The following CTNNA3 variants were observed in gnomAD, a reference collection of about 807,000 sequenced individuals.
CTNNA3 encodes catenin alpha 3.
In CTNNA3, 76 loss-of-function variants were observed where a neutral mutation model predicts 95.7. That is an observed-to-expected ratio of 0.79 (90% confidence interval 0.66 to 0.96). CTNNA3 has a LOEUF of 0.96. Among genes scored for constraint, CTNNA3 ranks in the 40% least tolerant of loss-of-function variants. The pLI, the probability that CTNNA3 is intolerant of heterozygous loss-of-function variation, is 0.00. For synonymous variants in CTNNA3, 431 were observed against 374.4 expected (o/e 1.15, Z -1.74); for missense variants, 1,191 against 1,089.8 (o/e 1.09, Z -1.31).
intron 1 of CTNNA3, among the ~76,000 whole-genome samples, chr10:67,739,669 A>C (rs982247845): frequency 8.5e-5 from 13 of 152,104 alleles, no homozygotes; most frequent in African/African-American, 2.9e-4. Context: ...GATACAAACA[A>C]ATGGAAGAAC....
chr10:66,083,412 T>C (rs2080846089), intron 14 of CTNNA3, among the ~76,000 whole-genome samples: 2 of 152,302 alleles, frequency 1.3e-5, no homozygotes, highest in South Asian at 4.1e-4. Flanking sequence ...CTTGAGTATT[T>C]CTTCCTAATT....
At chr10:66,989,625 G>T (rs1188829133) in intron 7 of CTNNA3, among the ~76,000 whole-genome samples, 1 of 152,036 alleles carries the variant, frequency 6.6e-6, no homozygotes, top group African/African-American at 2.4e-5. Flanking sequence ...CATACTGAAA[G>T]AACTTTTTCT....
chr10:67,603,635 GA>G (rs1208551705), intron 3 of CTNNA3, among the ~76,000 whole-genome samples: 2 of 151,234 alleles, frequency 1.3e-5, no homozygotes, highest in Non-Finnish European at 1.5e-5. Flanking sequence ...ATGTAAAAAA[GA>G]AAAAAACTTA....
At chr10:66,062,347 T>C (rs1419111429) in intron 15 of CTNNA3, among the ~76,000 whole-genome samples, 1 of 152,114 alleles carries the variant, frequency 6.6e-6, no homozygotes, top group Non-Finnish European at 1.5e-5. Flanking sequence ...TATGGAGGAC[T>C]TCAAGTGTAC....
At chr10:67,499,955 A>C (rs922686842) in intron 5 of CTNNA3, among the ~76,000 whole-genome samples, 1 of 151,662 alleles carries the variant, frequency 6.6e-6, no homozygotes, top group Non-Finnish European at 1.5e-5. Flanking sequence ...GATCTTAGTT[A>C]TTTCTTGTCT....
intron 12 of CTNNA3, among the ~76,000 whole-genome samples, chr10:66,359,144 C>T (rs751179962): frequency 2.6e-5 from 4 of 152,172 alleles, no homozygotes; most frequent in Non-Finnish European, 5.9e-5. Flanking sequence ...ATATTCTCAC[C>T]CTAAAATGGC....
intron 12 of CTNNA3, among the ~76,000 whole-genome samples, chr10:66,360,943 CTG>C (rs1464989768): frequency 4.4e-4 from 62 of 141,178 alleles, no homozygotes; most frequent in Non-Finnish European, 9.1e-5. Context: ...CTCTCTCTCT[CTG>C]TCTCTCTCTT....
At chr10:67,740,016 T>A (rs1841326221) in intron 1 of CTNNA3, among the ~76,000 whole-genome samples, 1 of 152,128 alleles carries the variant, frequency 6.6e-6, no homozygotes, top group African/African-American at 2.4e-5. Flanking sequence ...TATCTACAAC[T>A]ATCTGATCTT....
At chr10:66,090,592 A>G (rs2081177094) in intron 14 of CTNNA3, among the ~76,000 whole-genome samples, 1 of 152,058 alleles carries the variant, frequency 6.6e-6, no homozygotes, top group African/African-American at 2.4e-5. Flanking sequence ...AGTCTGATTC[A>G]AACATAGGAG....
rs114685436 is a variant in CTNNA3, at chr10:66,909,237, G to A, written c.1048-133713C>T. Among the ~76,000 whole-genome samples the A allele has an allele frequency of 2.4e-3, 361 of 152,180 alleles. 1 individual carries two copies. The highest frequency in any genetic ancestry group is 8.2e-3 in the African/African-American group (342 of 41,512). On this transcript the variant is annotated intron_variant, in intron 7 of 17. Coordinates refer to ENST00000433211, the MANE Select transcript of CTNNA3 (RefSeq NM_013266.4). ...AGTAAATACAAGATCACTACCAGCC[G>A]GGCGCGGTGGCTCATTCCTGTATTC...
chr10:66,917,815 G>A (rs570912520), intron 7 of CTNNA3, among the ~76,000 whole-genome samples: 1 of 152,208 alleles, frequency 6.6e-6, no homozygotes, highest in African/African-American at 2.4e-5. Context: ...CATGTGAAGT[G>A]GATATAGCAA....
chr10:65,974,959 T>G (rs774100116), intron 16 of CTNNA3, among the ~76,000 whole-genome samples: 2 of 152,204 alleles, frequency 1.3e-5, no homozygotes, highest in African/African-American at 4.8e-5. Flanking sequence ...AAAAGTAGGA[T>G]GAACAACCAG....
chr10:65,951,826 G>C (rs897585178), intron 17 of CTNNA3, among the ~76,000 whole-genome samples: 1 of 152,064 alleles, frequency 6.6e-6, no homozygotes, highest in Admixed American at 6.5e-5. Context: ...TCAGGAGATC[G>C]AGACCATCCT....
At chr10:66,680,123 G>C (rs1487570262) in intron 9 of CTNNA3, among the ~76,000 whole-genome samples, 2 of 151,912 alleles carry the variant, frequency 1.3e-5, no homozygotes, top group African/African-American at 4.8e-5. Context: ...CTAGCCTCCT[G>C]AGTAGCTGGG....
At chr10:66,947,540 C>T (rs1419961784) in intron 7 of CTNNA3, among the ~76,000 whole-genome samples, 2 of 152,030 alleles carry the variant, frequency 1.3e-5, no homozygotes, top group Non-Finnish European at 2.9e-5. Context: ...CACTCTGTCT[C>T]CCTCTCCCCT....
chr10:66,247,567 G>A (rs2090385941), intron 13 of CTNNA3, among the ~76,000 whole-genome samples: 1 of 152,002 alleles, frequency 6.6e-6, no homozygotes, highest in East Asian at 1.9e-4. Flanking sequence ...CCCAAAGGTT[G>A]AAAATAAAAA....
chr10:67,627,203 C>A (rs1268700305), intron 2 of CTNNA3, among the ~76,000 whole-genome samples: 1 of 152,188 alleles, frequency 6.6e-6, no homozygotes, highest in East Asian at 1.9e-4. Context: ...AGCTCTGCCT[C>A]CTGGTCATGC....
At chr10:67,357,653 T>A (rs1842859429) in intron 5 of CTNNA3, among the ~76,000 whole-genome samples, 1 of 152,012 alleles carries the variant, frequency 6.6e-6, no homozygotes, top group African/African-American at 2.4e-5. Flanking sequence ...AATACAACAG[T>A]TGGTTTGGGG....
chr10:67,157,955 C>A (rs1034464777), intron 7 of CTNNA3, among the ~76,000 whole-genome samples: 2 of 152,112 alleles, frequency 1.3e-5, no homozygotes, highest in African/African-American at 4.8e-5. Context: ...ACAAAAAAAG[C>A]AGTTATATGG....
Sources: allele counts gnomAD v4.1 joint callset (sites outside exome capture counted in the v4.1 genomes callset), GRCh38; gene constraint gnomAD v4.1.1; transcripts MANE v1.5; gene names NCBI Gene and HGNC (gene_info 2026-07-23, HGNC 2026-07-21).